The following CCDC191 variants were observed in gnomAD, a reference collection of about 807,000 sequenced individuals.
CCDC191 encodes the protein coiled-coil domain-containing protein 191.
CCDC191 carries 99 observed loss-of-function variants against 114.0 expected under a neutral mutation model. That is an observed-to-expected ratio of 0.87 (90% CI 0.74 to 1.03). The LOEUF (loss-of-function observed/expected upper bound fraction) is 1.03. Among genes scored for constraint, CCDC191 ranks in the 50% least tolerant of loss-of-function variants. The pLI, the probability that CCDC191 is intolerant of heterozygous loss-of-function variation, is 0.00. For missense variants in CCDC191, 973 were observed against 1,087.0 expected (o/e 0.90, Z 1.47); for synonymous variants, 351 against 376.0 (o/e 0.93, Z 0.77).
intron 8 of CCDC191, 150 bp downstream of exon 8, chr3:114,018,528 T>G: frequency 3.4e-5 from 22 of 653,906 alleles, no homozygotes; most frequent in Non-Finnish European, 5.2e-5. Flanking sequence ...TTTTCTAGTT[T>G]GAGATGTAAC....
intron 8 of CCDC191, among the ~76,000 whole-genome samples, chr3:114,013,570 T>C (rs1307650268): frequency 6.6e-6 from 1 of 152,206 alleles, no homozygotes; most frequent in Non-Finnish European, 1.5e-5. Context: ...CAGATAATCA[T>C]AAATGGAAGG....
intron 16 of CCDC191, among the ~76,000 whole-genome samples, chr3:113,976,297 C>T (rs1941340621): frequency 6.6e-6 from 1 of 150,656 alleles, no homozygotes; most frequent in African/African-American, 2.4e-5. Context: ...CAAAAACAAA[C>T]AAAAAAGACA....
intron 10 of CCDC191, 108 bp from the exon 11 acceptor site, chr3:114,004,854 C>A: frequency 8.5e-7 from 1 of 1,172,602 alleles, no homozygotes. Flanking sequence ...AATCCCTACT[C>A]TCTGAGATAA....
At chr3:113,997,064 G>A (rs2075741211) in intron 13 of CCDC191, among the ~76,000 whole-genome samples, 1 of 152,132 alleles carries the variant, frequency 6.6e-6, no homozygotes, top group Non-Finnish European at 1.5e-5. Flanking sequence ...AAATGGAACT[G>A]TACATTAACA....
Position 114,004,617 on chromosome 3 carries a change from C to T in CCDC191, c.1978+20G>A, listed in dbSNP as rs551800722. The T allele has an allele frequency of 2.8e-5, 44 of 1,576,350 alleles. 2 individuals are homozygous for T. The highest frequency in any genetic ancestry group is 3.4e-4 in the Middle Eastern group (2 of 5,968). On this transcript the variant is annotated intron_variant, in intron 11 of 16. Transcript: ENST00000295878. Reference sequence around the variant, plus strand: ...GAGAGAAGATAACAACCACCAAGGCCACCACCGAGACAGCCCTGCCTTTTA... The same window carrying T: ...GAGAGAAGATAACAACCACCAAGGCTACCACCGAGACAGCCCTGCCTTTTA...
At chr3:113,971,242 T>C (rs1446586416) in intron 16 of CCDC191, among the ~76,000 whole-genome samples, 1 of 152,204 alleles carries the variant, frequency 6.6e-6, no homozygotes, top group African/African-American at 2.4e-5. Flanking sequence ...TTCCTGACTT[T>C]TTAATGATCG....
At chr3:114,038,354 G>A (rs922869762) in intron 4 of CCDC191, among the ~76,000 whole-genome samples, 2 of 152,066 alleles carry the variant, frequency 1.3e-5, no homozygotes, top group South Asian at 2.1e-4. Context: ...AGATTATAAC[G>A]GAGCTGAAAA....
intron 4 of CCDC191, 27 bp from the exon 5 acceptor site, chr3:114,036,813 G>GGAATT (rs2076491222): frequency 6.9e-7 from 1 of 1,452,022 alleles, no homozygotes; most frequent in South Asian, 1.5e-5. Flanking sequence ...AACAAAAAAG[G>GGAATT]GAATTTTTTT....
At chr3:113,993,499 G>C (rs1242565230) in intron 13 of CCDC191, among the ~76,000 whole-genome samples, 1 of 152,138 alleles carries the variant, frequency 6.6e-6, no homozygotes, top group Non-Finnish European at 1.5e-5. Context: ...ATGGAGAAAA[G>C]ATAGTCTTCT....
At chr3:114,052,610 T>C (rs1044991106) in intron 2 of CCDC191, among the ~76,000 whole-genome samples, 1 of 152,230 alleles carries the variant, frequency 6.6e-6, no homozygotes, top group African/African-American at 2.4e-5. Context: ...AATTCTCTCA[T>C]GAGCTTTAGT....
chr3:114,002,837 A>G (rs1199026804), intron 11 of CCDC191: 1 of 963,312 alleles, frequency 1.0e-6, no homozygotes, highest in Non-Finnish European at 1.2e-6. Flanking sequence ...TGATACTTTT[A>G]GTATATGAAA....
At chr3:114,046,548 T>C (rs1195150320) in intron 3 of CCDC191, 43 bp downstream of exon 3, 10 of 1,202,550 alleles carry the variant, frequency 8.3e-6, no homozygotes, top group Non-Finnish European at 9.9e-6. Flanking sequence ...TGGGTTATGC[T>C]TTAAGAATTG....
chr3:113,980,302 G>A (rs943154242), intron 14 of CCDC191, among the ~76,000 whole-genome samples: 4 of 152,050 alleles, frequency 2.6e-5, no homozygotes, highest in African/African-American at 9.7e-5. Flanking sequence ...GATATTTGGG[G>A]GTTGTCTGTT....
intron 6 of CCDC191, among the ~76,000 whole-genome samples, chr3:114,032,944 C>T (rs905533112): frequency 4.6e-5 from 7 of 152,044 alleles, no homozygotes; most frequent in African/African-American, 1.5e-4. Flanking sequence ...TGGTTATAGA[C>T]AGGTGATAGT....
At chr3:114,039,211 G>GA (rs796304324) in intron 4 of CCDC191, among the ~76,000 whole-genome samples, 14 of 150,966 alleles carry the variant, frequency 9.3e-5, no homozygotes, top group African/African-American at 3.2e-4. Context: ...CTACTTATTA[G>GA]AAAAAAAAAT....
chr3:114,001,235 TCA>T (rs1443157516), intron 13 of CCDC191, among the ~76,000 whole-genome samples: 1 of 152,172 alleles, frequency 6.6e-6, no homozygotes, highest in East Asian at 1.9e-4. Flanking sequence ...CTTATGGAGA[TCA>T]CAGTTTAGTT....
At chr3:114,046,540 G>T in intron 3 of CCDC191, 51 bp downstream of exon 3, 1 of 1,111,668 alleles carries the variant, frequency 9.0e-7, no homozygotes, top group Non-Finnish European at 1.4e-6. Flanking sequence ...ATGCATCATG[G>T]GTTATGCTTT....
intron 8 of CCDC191, among the ~76,000 whole-genome samples, chr3:114,017,948 TAAG>T: frequency 6.6e-6 from 1 of 152,280 alleles, no homozygotes; most frequent in Middle Eastern, 3.4e-3. Flanking sequence ...TAAATAATAA[TAAG>T]AAAATTATTT....
intron 2 of CCDC191, chr3:114,047,254 TAACTC>T (rs2076642619): frequency 2.7e-6 from 1 of 365,706 alleles, no homozygotes; most frequent in East Asian, 1.6e-4. Flanking sequence ...TAGAATGTTT[TAACTC>T]AACAGCAAGA....
Sources: allele counts gnomAD v4.1 joint callset (sites outside exome capture counted in the v4.1 genomes callset), GRCh38; gene constraint gnomAD v4.1.1; transcripts MANE v1.5; gene names NCBI Gene and HGNC (gene_info 2026-07-23, HGNC 2026-07-21).